HIKESHI: variants seen among roughly 807,000 people sequenced by gnomAD.
HIKESHI encodes the protein protein Hikeshi.
In HIKESHI, 13 loss-of-function variants were observed where a neutral mutation model predicts 25.7. The observed-to-expected ratio is 0.51, with a 90% CI of 0.33 to 0.80. The LOEUF (loss-of-function observed/expected upper bound fraction) is 0.80. HIKESHI is among the 30% of genes least tolerant of loss of function. The probability of loss-of-function intolerance (pLI) is 0.02; values close to 1 mark genes in which losing one functional copy is unlikely to be tolerated. For missense variants in HIKESHI, 174 were observed against 229.5 expected (o/e 0.76, Z 1.56); for synonymous variants, 76 against 78.7 (o/e 0.97, Z 0.18).
At chr11:86,345,471 A>T in intron 4 of HIKESHI, 113 bp from the exon 5 acceptor site, 2 of 637,524 alleles carry the variant, frequency 3.1e-6, no homozygotes, top group Non-Finnish European at 2.7e-6. Context: ...TAGATTTTTT[A>T]TAGCTTTTTA....
chr11:86,308,854 A>G (rs555700000), intron 2 of HIKESHI, among the ~76,000 whole-genome samples: 234 of 152,144 alleles, frequency 1.5e-3, no homozygotes, highest in African/African-American at 5.4e-3. Context: ...TTTGCTCAGA[A>G]TGATGGTTTC....
chr11:86,337,513 G>C lies in HIKESHI; in HGVS notation c.403G>C (p.Val135Leu). 1.2e-6 allele frequency: 2 copies of C among 1,611,910 alleles called. No homozygotes were observed. Among genetic ancestry groups the C allele is most frequent in the Non-Finnish European group, 1.7e-6 (2 of 1,179,428 alleles). Reference sequence around the variant, plus strand: ...TGTAGGTAATGCTGCTGTATCCTCAGTTGACTCATTCACTCAGGTAATGCA... The same window carrying C: ...TGTAGGTAATGCTGCTGTATCCTCACTTGACTCATTCACTCAGGTAATGCA... ...TPVGNAAVSS[V>L]DSFTQFTQKM... is the part of the protein sequence containing the mutation. Residue 135 changes from valine (V) to leucine (L), a missense_variant, in exon 3 of 5, where the codon GTT becomes CTT. By Grantham distance (32) the Val-to-Leu change is conservative (BLOSUM62 1). Coordinates refer to ENST00000278483, the MANE Select transcript of HIKESHI (RefSeq NM_016401.4).
At chr11:86,326,684 T>G in intron 2 of HIKESHI, 1 of 355,580 alleles carries the variant, frequency 2.8e-6, no homozygotes, top group Non-Finnish European at 5.6e-6. Flanking sequence ...TGAGTAAGAT[T>G]TGGATGGGAT....
At chr11:86,321,309 T>A (rs988366286) in intron 2 of HIKESHI, among the ~76,000 whole-genome samples, 4 of 152,138 alleles carry the variant, frequency 2.6e-5, no homozygotes, top group Non-Finnish European at 5.9e-5. Context: ...ATGCCACAAT[T>A]TGTTTAGCTG....
At chr11:86,318,221 G>A (rs538390681) in intron 2 of HIKESHI, among the ~76,000 whole-genome samples, 96 of 142,888 alleles carry the variant, frequency 6.7e-4, no homozygotes, top group African/African-American at 2.3e-3. Context: ...GGAGAATGGC[G>A]TGAACCCGGG....
intron 2 of HIKESHI, among the ~76,000 whole-genome samples, chr11:86,333,692 C>A (rs1366635401): frequency 6.6e-6 from 1 of 151,256 alleles, no homozygotes; most frequent in African/African-American, 2.4e-5. Flanking sequence ...ATTTGTGTTC[C>A]AAAATAGACT....
At chr11:86,316,595 T>C (rs1412878613) in intron 2 of HIKESHI, among the ~76,000 whole-genome samples, 1 of 151,966 alleles carries the variant, frequency 6.6e-6, no homozygotes, top group African/African-American at 2.4e-5. Context: ...AAATAAGGCA[T>C]TGGAAATAAT....
intron 2 of HIKESHI, among the ~76,000 whole-genome samples, chr11:86,314,336 C>T (rs1011553175): frequency 6.6e-6 from 1 of 152,010 alleles, no homozygotes; most frequent in Non-Finnish European, 1.5e-5. Flanking sequence ...AAATGGGAGG[C>T]TGGGTGTGGT....
chr11:86,326,367 C>G (rs1289176177), intron 2 of HIKESHI: 1 of 374,098 alleles, frequency 2.7e-6, no homozygotes, highest in African/African-American at 2.1e-5. Context: ...ATATGTGTGG[C>G]TATAAGGTCT....
At chr11:86,306,608 TG>T in intron 2 of HIKESHI, 126 bp downstream of exon 2, 1 of 595,890 alleles carries the variant, frequency 1.7e-6, no homozygotes, top group Non-Finnish European at 2.9e-6. Context: ...TACAAAACAT[TG>T]TTTTTTAAAA....
chr11:86,334,821 G>T (rs1443708869), intron 2 of HIKESHI, among the ~76,000 whole-genome samples: 1 of 152,162 alleles, frequency 6.6e-6, no homozygotes, highest in African/African-American at 2.4e-5. Context: ...GCTAACTTTT[G>T]TAGAGATGGG....
intron 2 of HIKESHI, among the ~76,000 whole-genome samples, chr11:86,325,873 G>GA (rs35520236): frequency 9.5e-5 from 14 of 146,892 alleles, no homozygotes; most frequent in East Asian, 6.0e-4. Context: ...CTCCGTCTCA[G>GA]AAAAAAAAAA....
intron 2 of HIKESHI, among the ~76,000 whole-genome samples, chr11:86,329,579 T>C (rs1293217379): frequency 1.6e-3 from 246 of 151,306 alleles, no homozygotes; most frequent in African/African-American, 5.5e-3. Flanking sequence ...GATTTCTTTT[T>C]TTTTTTTTTT....
At chr11:86,315,851 AG>A (rs1946964042) in intron 2 of HIKESHI, among the ~76,000 whole-genome samples, 2 of 152,186 alleles carry the variant, frequency 1.3e-5, no homozygotes, top group East Asian at 3.9e-4. Context: ...CAAACACACA[AG>A]AATTAATTAC....
At chr11:86,316,648 A>T (rs1035586611) in intron 2 of HIKESHI, among the ~76,000 whole-genome samples, 1 of 152,174 alleles carries the variant, frequency 6.6e-6, no homozygotes, top group Non-Finnish European at 1.5e-5. Flanking sequence ...ATAAGTGTTT[A>T]TATAAATGTA....
At chr11:86,320,681 T>G (rs1349473450) in intron 2 of HIKESHI, among the ~76,000 whole-genome samples, 1 of 152,224 alleles carries the variant, frequency 6.6e-6, no homozygotes, top group Non-Finnish European at 1.5e-5. Context: ...GTGTACAGTT[T>G]GATAAATTTT....
intron 3 of HIKESHI, among the ~76,000 whole-genome samples, chr11:86,338,899 G>A (rs1162267327): frequency 1.3e-5 from 2 of 152,030 alleles, no homozygotes; most frequent in Non-Finnish European, 1.5e-5. Context: ...TACTGTACAT[G>A]TTTATAAATT....
Position 86,317,969 on chromosome 11 carries a change from T to C in HIKESHI, c.268+11487T>C, listed in dbSNP as rs564076544. On this transcript the variant is annotated intron_variant, in intron 2 of 4. Transcript: ENST00000278483. The stretch of plus-strand genomic sequence containing the variant: ...CAAAATTGGCTATTTTCTAGAAGAA[T>C]ATACCAAACAAAACTGAAATAATTT... 6.4e-4 allele frequency among the ~76,000 whole-genome samples: 97 copies of C among 152,140 alleles called. 1 individual carries two copies. The highest frequency in any genetic ancestry group is 2.3e-3 in the African/African-American group (94 of 41,516).
chr11:86,323,642 A>G (rs1947203895), intron 2 of HIKESHI, among the ~76,000 whole-genome samples: 1 of 152,166 alleles, frequency 6.6e-6, no homozygotes, highest in African/African-American at 2.4e-5. Flanking sequence ...TCCCTACAGG[A>G]GATGCTTAGG....
Sources: allele counts gnomAD v4.1 joint callset (sites outside exome capture counted in the v4.1 genomes callset), GRCh38; gene constraint gnomAD v4.1.1; transcripts MANE v1.5; gene names NCBI Gene and HGNC (gene_info 2026-07-23, HGNC 2026-07-21).